The following SHANK1 variants were observed in gnomAD, a reference collection of about 807,000 sequenced individuals.
SHANK1 encodes SH3 and multiple ankyrin repeat domains 1, also known as SH3 and multiple ankyrin repeat domains protein 1.
In SHANK1, 35 loss-of-function variants were observed where a neutral mutation model predicts 165.6. The ratio of observed to expected loss-of-function variants is 0.21; its 90% CI spans 0.16 to 0.28. The LOEUF (loss-of-function observed/expected upper bound fraction) is 0.28, where lower values mean the gene tolerates loss of function less well. SHANK1 is among the 10% of genes least tolerant of loss of function. The pLI is 1.00. For synonymous variants in SHANK1, 1,428 were observed against 1,384.8 expected, an observed-to-expected ratio of 1.03 and a Z score of -0.69; for missense variants, 2,681 against 3,036.4, an observed-to-expected ratio of 0.88 and a Z score of 2.75.
At chr19:50,663,940 C>CTCTCTTTTT (rs370276151) in intron 23 of SHANK1, among the ~76,000 whole-genome samples, 1 of 108,908 alleles carries the variant, frequency 9.2e-6, no homozygotes, top group African/African-American at 3.8e-5. Flanking sequence ...CTCTCTCTCT[C>CTCTCTTTTT]TTTTTTTTTT....
Position 50,662,040 on chromosome 19 carries a change from G to A in SHANK1, c.6411C>T (p.Tyr2137=), listed in dbSNP as rs145388631. The part of the protein sequence containing the change: ...SHLPALTKED[Y]VDLGVTRVGH... ...CCACCCTGGTCACACCTAGATCGAC[G>A]TAGTCCTCCTTGGTCAAGGCGGGCA... Residue 2137 remains tyrosine, a synonymous_variant, in exon 24 of 24, where the codon TAC becomes TAT. Transcript: ENST00000293441. This position sits in a 1 kb window ranked among gnomAD's most constrained non-coding sequence, Gnocchi z 7.7. The A allele has an allele frequency of 1.1e-3, 1,751 of 1,614,054 alleles. 2 individuals carry two copies. The highest frequency in any genetic ancestry group is 1.3e-3 in the Non-Finnish European group (1,588 of 1,180,036).
chr19:50,708,908 T>A (rs1043129904), intron 8 of SHANK1, among the ~76,000 whole-genome samples: 1 of 152,154 alleles, frequency 6.6e-6, no homozygotes, highest in Admixed American at 6.5e-5. Flanking sequence ...TAGACACGGA[T>A]CTGACATTCA....
intron 15 of SHANK1, among the ~76,000 whole-genome samples, chr19:50,695,914 C>A (rs74593824): frequency 0.031 from 4,775 of 152,212 alleles, 238 homozygotes; most frequent in African/African-American, 0.11. Flanking sequence ...GGGAGACACA[C>A]GGAAGGACCG....
chr19:50,680,270 G>A (rs1986134200), intron 21 of SHANK1, among the ~76,000 whole-genome samples: 1 of 152,088 alleles, frequency 6.6e-6, no homozygotes, highest in African/African-American at 2.4e-5. Flanking sequence ...GGGAAGCATG[G>A]GAAGCAGGAA....
chr19:50,664,469 T>G (rs60637415), intron 23 of SHANK1, among the ~76,000 whole-genome samples: 1,738 of 152,298 alleles, frequency 0.011, 40 homozygotes, highest in African/African-American at 0.039. Flanking sequence ...CCATCCCATG[T>G]TACAACAATG....
At position 50,688,600 on chromosome 19, in the gene SHANK1, G is replaced by A. The variant is rs1460039949; in HGVS notation, c.2172+244C>T. The stretch of plus-strand genomic sequence containing the variant: ...TGGGATCACAGGCGTGAGCCGCTGT[G>A]CCTGGCCATCCCCCGGTATTGTGTA... On this transcript the variant is annotated intron_variant, in intron 17 of 23. Transcript: ENST00000293441. This position sits in a 1 kb window ranked among gnomAD's most constrained non-coding sequence, Gnocchi z 6.7. Among the ~76,000 whole-genome samples the A allele has an allele frequency of 2.0e-5, 3 of 152,218 alleles. No homozygotes were observed. The highest frequency in any genetic ancestry group is 2.9e-5 in the Non-Finnish European group (2 of 68,044).
At chr19:50,704,267 G>C in intron 9 of SHANK1, 81 bp from the exon 10 acceptor site, 2 of 1,466,708 alleles carry the variant, frequency 1.4e-6, no homozygotes, top group South Asian at 1.1e-5. Context: ...GAGGTCCCTG[G>C]CCCGACCCAA....
intron 23 of SHANK1, among the ~76,000 whole-genome samples, chr19:50,665,557 ACT>A (rs1278755341): frequency 9.5e-4 from 89 of 93,694 alleles, no homozygotes; most frequent in African/African-American, 3.7e-3. Flanking sequence ...ATAGAGTGAG[ACT>A]CTGTCTCAAA....
Position 50,718,481 on chromosome 19 carries a change from C to T in SHANK1, c.-44+925G>A, listed in dbSNP as rs866784027. On this transcript the variant is annotated intron_variant, in intron 1 of 23. Coordinates refer to ENST00000293441, the MANE Select transcript of SHANK1 (RefSeq NM_016148.5). This position sits in a 1 kb window ranked among gnomAD's most constrained non-coding sequence, Gnocchi z 5.1. ...CCCCCGCGCGTACGGCTGCCCCAGC[C>T]CCCCCGGGCCGGCTCCGGCCCCTCC... 1.3e-4 allele frequency among the ~76,000 whole-genome samples: 20 copies of T among 152,062 alleles called. No homozygotes were observed. The highest frequency in any genetic ancestry group is 2.1e-4 in the Non-Finnish European group (14 of 67,962).
intron 8 of SHANK1, chr19:50,711,090 A>C: frequency 2.5e-6 from 1 of 395,724 alleles, no homozygotes; most frequent in Non-Finnish European, 4.7e-6. Context: ...GCAGCAAACT[A>C]TGTTGTCTGC....
intron 8 of SHANK1, among the ~76,000 whole-genome samples, chr19:50,704,734 C>T (rs2088917721): frequency 6.6e-6 from 1 of 152,200 alleles, no homozygotes; most frequent in South Asian, 2.1e-4. Context: ...GAACTACACA[C>T]TGGATTTCAA....
At chr19:50,692,474 C>CATATATATATATAT (rs993822373) in intron 15 of SHANK1, among the ~76,000 whole-genome samples, 16 of 126,688 alleles carry the variant, frequency 1.3e-4, no homozygotes, top group Non-Finnish European at 2.2e-4. Context: ...TATATATATA[C>CATATATATATATAT]ACACACACAC....
In SHANK1 at chr19:50,686,226, A is replaced by C. The variant is rs201333689; in HGVS notation, c.2577+11T>G. The C allele has an allele frequency of 4.5e-5, 69 of 1,548,210 alleles. No homozygotes were observed. The highest frequency in any genetic ancestry group is 3.4e-4 in the Middle Eastern group (2 of 5,826). On this transcript the variant is annotated intron_variant, in intron 21 of 23. Transcript: ENST00000293441. The surrounding 1 kb of genome is among the most constrained non-coding windows in gnomAD (Gnocchi z 5.7). ...CCCCCTGGCAGTTCCTCCCCACACC[A>C]GGCCGCCTACCTCAGTGGCAAAGAA...
chr19:50,711,463 G>C lies in SHANK1; in HGVS notation c.985C>G (p.His329Asp). ...HQACQRGHSQ[H>D]LEHLLFYGAE... ...CCGTAGAAAAGCAGATGCTCCAGGT[G>C]CTGAGAGTGACCCCGCTGGCAGGCC... The change falls in exon 8 of 24, where the codon CAC (histidine) becomes GAC (aspartate). Residue 329 changes from histidine (H) to aspartate (D), a missense_variant. Around this residue, in one of 10 missense-constraint regions of SHANK1, gnomAD observed 189 missense variants for 440.9 expected, o/e 0.43. Coordinates refer to ENST00000293441, the MANE Select transcript of SHANK1 (RefSeq NM_016148.5). The C allele has an allele frequency of 6.4e-7, 1 of 1,571,680 alleles. No homozygotes were observed. Among genetic ancestry groups the C allele is most frequent in the Non-Finnish European group, 8.6e-7 (1 of 1,158,734 alleles).
chr19:50,700,402 A>ACTTGGGGCATTGGAGAATTGGAGGG (rs1335225770), intron 12 of SHANK1, among the ~76,000 whole-genome samples: 67 of 129,190 alleles, frequency 5.2e-4, no homozygotes, highest in African/African-American at 1.9e-3. Flanking sequence ...AGATTGGAGG[A>ACTTGGGGCATTGGAGAATTGGAGGG]CTTGGGGCAT....
rs1985108953 is a variant in SHANK1, at chr19:50,659,642, T to G, written c.*2323A>C. On this transcript the variant is annotated 3_prime_UTR_variant, in exon 24 of 24. Coordinates refer to ENST00000293441, the MANE Select transcript of SHANK1 (RefSeq NM_016148.5). Reference sequence around the variant, plus strand: ...GATTTTTTTGTGTGTTCTAGGGGTTTTGTGTTTTTTTTTTCTGTTTTTTAT... The same window carrying G: ...GATTTTTTTGTGTGTTCTAGGGGTTGTGTGTTTTTTTTTTCTGTTTTTTAT... Among the ~76,000 whole-genome samples the G allele has an allele frequency of 6.7e-6, 1 of 148,666 alleles. No individual in the cohort carries two copies. Among genetic ancestry groups the G allele is most frequent in the Non-Finnish European group, 1.5e-5 (1 of 67,152 alleles).
intron 4 of SHANK1, among the ~76,000 whole-genome samples, chr19:50,715,452 G>A (rs1312724057): frequency 1.3e-5 from 2 of 151,942 alleles, no homozygotes; most frequent in African/African-American, 4.8e-5. Flanking sequence ...AAAGTAAGAA[G>A]GGGTTGTGAT....
intron 15 of SHANK1, among the ~76,000 whole-genome samples, chr19:50,694,911 G>A (rs1986681953): frequency 6.6e-6 from 1 of 150,736 alleles, no homozygotes; most frequent in South Asian, 2.1e-4. Context: ...ACCTGTAGAT[G>A]TACCAGACGC....
chr19:50,690,149 A>C lies in SHANK1; in HGVS notation c.1965-870T>G, dbSNP rs77546617. The stretch of plus-strand genomic sequence containing the variant: ...TCTTCTGTATTCCCTGGTGCATCTC[A>C]AATGGAGCTACTGCATGCAGTCAGC... On this transcript the variant is annotated intron_variant, in intron 15 of 23. Transcript: ENST00000293441. This position sits in a 1 kb window ranked among gnomAD's most constrained non-coding sequence, Gnocchi z 4.9. 2.5e-4 allele frequency among the ~76,000 whole-genome samples: 38 copies of C among 152,304 alleles called. No homozygotes were observed. In the East Asian group the frequency reaches 7.3e-3, roughly 29 times the overall value.
Sources: gnomAD v4.1 joint callset for allele counts (sites outside exome capture counted in the v4.1 genomes callset) on GRCh38, gnomAD v4.1.1 for gene constraint, gnomAD v4.1.1 regional missense constraint, Gnocchi (gnomAD v3.1) non-coding constraint, MANE v1.5 for transcripts, NCBI Gene and HGNC (gene_info 2026-07-23, HGNC 2026-07-21) for gene names.